MLLT10: variants seen among roughly 807,000 people sequenced by gnomAD.
MLLT10 encodes the protein MLLT10 histone lysine methyltransferase DOT1L cofactor, also known as protein AF-10.
A neutral mutation model predicts 129.1 loss-of-function variants in MLLT10; 30 were observed. The observed-to-expected ratio is 0.23, with a 90% CI of 0.17 to 0.32. MLLT10 has a LOEUF of 0.32. Among genes scored for constraint, MLLT10 ranks in the 10% least tolerant of loss-of-function variants. The pLI, the probability that MLLT10 is intolerant of heterozygous loss-of-function variation, is 1.00. For synonymous variants in MLLT10, 490 were observed against 446.4 expected, an observed-to-expected ratio of 1.10 and a Z score of -1.23; for missense variants, 1,119 against 1,268.3, an observed-to-expected ratio of 0.88 and a Z score of 1.79.
At chr10:21,541,998 T>TA (rs762483182) in intron 3 of MLLT10, among the ~76,000 whole-genome samples, 30 of 152,316 alleles carry the variant, frequency 2.0e-4, no homozygotes, top group Admixed American at 3.9e-4. Flanking sequence ...TGTATCATGT[T>TA]ACGGTTTGTG....
intron 9 of MLLT10, 111 bp downstream of exon 9, chr10:21,651,879 A>G (rs951816598): frequency 6.8e-6 from 3 of 442,688 alleles, no homozygotes; most frequent in African/African-American, 2.3e-5. Flanking sequence ...TCAACCACAT[A>G]TCAGGCACTT....
intron 4 of MLLT10, among the ~76,000 whole-genome samples, chr10:21,587,652 A>G (rs560742255): frequency 5.1e-4 from 77 of 152,180 alleles, no homozygotes; most frequent in African/African-American, 1.7e-3. Context: ...TATTACTACT[A>G]TACTCTTCTC....
intron 3 of MLLT10, among the ~76,000 whole-genome samples, chr10:21,583,016 A>G (rs1301469155): frequency 6.6e-6 from 1 of 152,118 alleles, no homozygotes; most frequent in Non-Finnish European, 1.5e-5. Flanking sequence ...TAAAAATAGA[A>G]AAAGTTAGCT....
chr10:21,644,479 C>A (rs1182115334), intron 8 of MLLT10, among the ~76,000 whole-genome samples: 2 of 152,032 alleles, frequency 1.3e-5, no homozygotes, highest in Non-Finnish European at 2.9e-5. Context: ...AGTATAAGAG[C>A]TTGGCTTAGG....
chr10:21,741,603 CTT>C, intron 22 of MLLT10, among the ~76,000 whole-genome samples: 1 of 152,286 alleles, frequency 6.6e-6, no homozygotes, highest in South Asian at 2.1e-4. Flanking sequence ...CAGCCGATGA[CTT>C]TCTTAGCCCA....
At chr10:21,567,734 A>G (rs373113893) in intron 3 of MLLT10, among the ~76,000 whole-genome samples, 2 of 151,840 alleles carry the variant, frequency 1.3e-5, no homozygotes, top group South Asian at 2.1e-4. Context: ...GGATTATAGC[A>G]GTTACTCTTC....
chr10:21,725,833 C>G (rs1009795335), intron 14 of MLLT10, among the ~76,000 whole-genome samples: 2 of 150,688 alleles, frequency 1.3e-5, no homozygotes, highest in African/African-American at 4.9e-5. Context: ...TCACTGCAAG[C>G]TCCACCTCCT....
chr10:21,731,107 A>ACGGG, intron 17 of MLLT10, 53 bp downstream of exon 17: 2 of 1,515,238 alleles, frequency 1.3e-6, no homozygotes, highest in South Asian at 1.3e-5. Context: ...AGATGGACAA[A>ACGGG]CAGGCAGATG....
chr10:21,561,566 A>G (rs1348304168), intron 3 of MLLT10, among the ~76,000 whole-genome samples: 2 of 151,538 alleles, frequency 1.3e-5, no homozygotes, highest in Middle Eastern at 3.5e-3. Flanking sequence ...GCCCAGTGGT[A>G]GCTCTTAAGT....
intron 5 of MLLT10, among the ~76,000 whole-genome samples, chr10:21,611,209 A>G (rs867902147): frequency 1.4e-5 from 2 of 144,194 alleles, no homozygotes; most frequent in South Asian, 4.4e-4. Flanking sequence ...GGGTTTCACC[A>G]TGTTGGCCAG....
chr10:21,703,732 G>A (rs932475917), intron 13 of MLLT10, among the ~76,000 whole-genome samples: 1 of 151,996 alleles, frequency 6.6e-6, no homozygotes, highest in African/African-American at 2.4e-5. Context: ...TTTTAGTAGA[G>A]ACAGGGTTTC....
At position 21,538,825 on chromosome 10, in the gene MLLT10, T is replaced by C; in HGVS notation, c.161-8T>C. On this transcript the variant is annotated splice_region_variant and splice_polypyrimidine_tract_variant and intron_variant, in intron 2 of 22. Coordinates refer to ENST00000307729, the MANE Select transcript of MLLT10 (RefSeq NM_001195626.3). ...CTTAACATTTTAACACATTTCATTT[T>C]TCAACAGCTTGCTATGGCATTGTTC... The C allele has an allele frequency of 7.5e-6, 12 of 1,605,038 alleles. No homozygotes were observed. The highest frequency in any genetic ancestry group is 1.3e-5 in the African/African-American group (1 of 74,714).
At chr10:21,727,543 T>C (rs1334459667) in intron 15 of MLLT10, among the ~76,000 whole-genome samples, 1 of 152,176 alleles carries the variant, frequency 6.6e-6, no homozygotes, top group Non-Finnish European at 1.5e-5. Flanking sequence ...ACTTTAACCG[T>C]AGAAATTAAA....
intron 8 of MLLT10, among the ~76,000 whole-genome samples, chr10:21,643,496 T>C (rs2048210047): frequency 6.6e-6 from 1 of 152,254 alleles, no homozygotes; most frequent in African/African-American, 2.4e-5. Flanking sequence ...TCATTGTTCC[T>C]CTTAAATTGG....
At chr10:21,613,233 A>G (rs2131197720) in intron 6 of MLLT10, among the ~76,000 whole-genome samples, 1 of 151,644 alleles carries the variant, frequency 6.6e-6, no homozygotes, top group African/African-American at 2.4e-5. Flanking sequence ...TTCTTTCAGC[A>G]ACAAAATTTC....
intron 9 of MLLT10, among the ~76,000 whole-genome samples, chr10:21,658,631 G>A (rs1034328782): frequency 4.6e-5 from 7 of 152,228 alleles, no homozygotes; most frequent in African/African-American, 1.7e-4. Flanking sequence ...GAATGGTTGG[G>A]CCACATGGTA....
intron 8 of MLLT10, among the ~76,000 whole-genome samples, chr10:21,619,320 C>CA (rs2045580014): frequency 6.6e-6 from 1 of 152,148 alleles, no homozygotes; most frequent in African/African-American, 2.4e-5. Context: ...GGAAGCCTCA[C>CA]TATTAATGGT....
chr10:21,666,101 CT>C (rs771044421), intron 9 of MLLT10, among the ~76,000 whole-genome samples: 3 of 152,030 alleles, frequency 2.0e-5, no homozygotes, highest in African/African-American at 7.2e-5. Flanking sequence ...TTTGATTGAA[CT>C]TTTTTTATGA....
intron 13 of MLLT10, among the ~76,000 whole-genome samples, chr10:21,691,187 T>G (rs554211006): frequency 2.0e-5 from 3 of 152,294 alleles, no homozygotes; most frequent in Non-Finnish European, 4.4e-5. Flanking sequence ...TGTAATGTAT[T>G]TCACTACTTT....
Sources: allele counts gnomAD v4.1 joint callset (sites outside exome capture counted in the v4.1 genomes callset), GRCh38; gene constraint gnomAD v4.1.1; transcripts MANE v1.5; gene names NCBI Gene and HGNC (gene_info 2026-07-23, HGNC 2026-07-21).